The following PKD1 variants were observed in gnomAD, a reference collection of about 807,000 sequenced individuals.
The protein encoded by PKD1 is polycystin 1, transient receptor potential channel interacting, also known as polycystin-1.
In PKD1, 81 loss-of-function variants were observed where a neutral mutation model predicts 361.7. That is an observed-to-expected ratio of 0.22 (90% CI 0.19 to 0.27). The LOEUF (loss-of-function observed/expected upper bound fraction) is 0.27. Among genes scored for constraint, PKD1 ranks in the 10% least tolerant of loss-of-function variants. The probability of loss-of-function intolerance (pLI) is 1.00; values close to 1 mark genes in which losing one functional copy is unlikely to be tolerated. For synonymous variants in PKD1, 3,615 were observed against 2,818.3 expected, an observed-to-expected ratio of 1.28 and a Z score of -8.95; for missense variants, 6,399 against 6,118.3, an observed-to-expected ratio of 1.05 and a Z score of -1.53.
At chr16:2,121,576 C>T (rs146705281) in intron 1 of PKD1, among the ~76,000 whole-genome samples, 2,518 of 152,236 alleles carry the variant, frequency 0.017, 54 homozygotes, top group African/African-American at 0.055. Flanking sequence ...TTCAGAGCTG[C>T]CCGAGTTACA....
rs149156000 is a variant in PKD1, at chr16:2,111,400, G to A, written c.3767C>T (p.Pro1256Leu). 25 of 1,611,560 alleles carry A rather than the reference G, an allele frequency of 1.6e-5. No individual in the cohort carries two copies. The highest frequency in any genetic ancestry group is 4.5e-5 in the East Asian group (2 of 44,866). Reference sequence around the variant, plus strand: ...GTACACATGCTCCACTGTTGCCTCCGGGCCCGACAGCACGGTGCCGTCCCC... The same window carrying A: ...GTACACATGCTCCACTGTTGCCTCCAGGCCCGACAGCACGGTGCCGTCCCC... ...DMGDGTVLSG[P>L]EATVEHVYLR... Residue 1256 changes from proline to leucine, a missense_variant, in exon 15 of 46, where the codon CCG becomes CTG. Coordinates refer to ENST00000262304, the MANE Select transcript of PKD1 (RefSeq NM_001009944.3).
chr16:2,089,537 C>T lies in PKD1; in HGVS notation c.*190G>A, dbSNP rs935194889. On this transcript the variant is annotated 3_prime_UTR_variant, in exon 46 of 46. Coordinates refer to ENST00000262304, the MANE Select transcript of PKD1 (RefSeq NM_001009944.3). ...CTTCCCAAGGGAGCTGGGGAGGGGA[C>T]CCTGGGTCCTGGTTGGCCACACAGC... 2 of 667,812 alleles carry T rather than the reference C, an allele frequency of 3.0e-6. No individual in the cohort carries two copies. The highest frequency in any genetic ancestry group is 1.8e-5 in the African/African-American group (1 of 55,682). The allele number at this position is 667,812 out of a possible 1,614,324, so 41.4% of individuals were successfully genotyped here. A position where few individuals can be genotyped will look rare whatever the true frequency, so the allele number is the denominator to read the frequency against.
At chr16:2,113,403 G>C in intron 11 of PKD1, 111 bp from the exon 12 acceptor site, 3 of 1,109,208 alleles carry the variant, frequency 2.7e-6, no homozygotes, top group Non-Finnish European at 4.0e-6. Context: ...GGGCACAGAG[G>C]AGAGGAGGTG....
In PKD1 at chr16:2,102,771, T is replaced by C. The variant is rs1392548528; in HGVS notation, c.8948+43A>G. On this transcript the variant is annotated intron_variant, in intron 24 of 45. Transcript: ENST00000262304. ...CAGTAACCCAGGCAATGCTGACCCA[T>C]GATGCCCTGCCCTGCCCTGCCAGGC... 4 of 1,608,974 alleles carry C rather than the reference T, an allele frequency of 2.5e-6. No individual in the cohort carries two copies. The Admixed American group carries it at 5.0e-5, about 20-fold the overall frequency.
chr16:2,126,382 T>C (rs1402972426), intron 1 of PKD1, among the ~76,000 whole-genome samples: 2 of 152,256 alleles, frequency 1.3e-5, no homozygotes, highest in Admixed American at 1.3e-4. Flanking sequence ...AGGTCAGGAA[T>C]GCCAGGCTGG....
In PKD1 at chr16:2,111,813, C is replaced by A; in HGVS notation, c.3354G>T (p.Val1118=). 1 of 1,609,952 alleles carries A rather than the reference C, an allele frequency of 6.2e-7. No homozygotes were observed. Among genetic ancestry groups the A allele is most frequent in the Non-Finnish European group, 8.5e-7 (1 of 1,179,348 alleles). ...SNAFENLTQQ[V]PVSVRASLPS... is the part of the protein sequence containing the mutation. ...GCAGGGAGGCGCGCACGCTCACAGG[C>A]ACCTGCTGCGTCAGGTTCTCGAAGG... The change falls in exon 15 of 46, where the codon GTG becomes GTT. Residue 1118 remains valine (V), a synonymous_variant. Coordinates refer to ENST00000262304, the MANE Select transcript of PKD1 (RefSeq NM_001009944.3).
At position 2,093,098 on chromosome 16, in the gene PKD1, T is replaced by C; in HGVS notation, c.11017-5A>G. 6.2e-7 allele frequency: 1 copy of C among 1,612,056 alleles called. No individual in the cohort carries two copies. The highest frequency in any genetic ancestry group is 8.5e-7 in the Non-Finnish European group (1 of 1,179,868). On this transcript the variant is annotated splice_region_variant and splice_polypyrimidine_tract_variant and intron_variant, in intron 37 of 45. Transcript: ENST00000262304. ...AAGCATGTACACCAGGAGGCTCTGG[T>C]GGACGGGGGGGCCCTGTGGTCAGCC...
intron 22 of PKD1, among the ~76,000 whole-genome samples, chr16:2,104,238 G>A (rs2092238253): frequency 2.4e-5 from 1 of 41,244 alleles, no homozygotes; most frequent in Non-Finnish European, 4.6e-5. Flanking sequence ...TGAGGAAGAT[G>A]AGGGGAATGG....
intron 1 of PKD1, among the ~76,000 whole-genome samples, chr16:2,121,947 A>C (rs900485270): frequency 1.1e-4 from 16 of 152,220 alleles, no homozygotes; most frequent in African/African-American, 3.4e-4. Flanking sequence ...CCATCCCTGA[A>C]CACCCGCCCA....
chr16:2,097,870 C>T lies in PKD1; in HGVS notation c.10165G>A (p.Glu3389Lys), dbSNP rs756738297. ...AGGACCCCCAGTAGAGTCCTCACCTCAGCGTGGAGGCCTGAGAACGTGAGG... is the reference window on the plus strand; with the variant it reads ...AGGACCCCCAGTAGAGTCCTCACCTTAGCGTGGAGGCCTGAGAACGTGAGG... The part of the protein sequence containing the change: ...SFLTFSGLHA[E>K]QAFVGQMKSD... The change falls in exon 31 of 46, where the codon GAG (glutamate) becomes AAG (lysine). Residue 3389 changes from glutamate (E) to lysine (K), a missense_variant and splice_region_variant. Transcript: ENST00000262304. The T allele has an allele frequency of 7.5e-6, 12 of 1,605,492 alleles. No homozygotes were observed. The highest frequency in any genetic ancestry group is 1.7e-5 in the Admixed American group (1 of 59,996).
Position 2,093,619 on chromosome 16 carries a change from C to G in PKD1, c.10941G>C (p.Arg3647=). The G allele has an allele frequency of 6.2e-7, 1 of 1,609,166 alleles. No individual in the cohort carries two copies. The highest frequency in any genetic ancestry group is 8.5e-7 in the Non-Finnish European group (1 of 1,178,238). ...GGAAGAGTGCAAAGCCGTGGGGTGG[C>G]CGTACGCGGGGCACACGTGCGCTCA... ...TPVSARVPRV[R]PPHGFALFLA... is the part of the protein sequence containing the mutation. The change falls in exon 37 of 46, where the codon CGG becomes CGC. Residue 3647 remains arginine, a synonymous_variant. Coordinates refer to ENST00000262304, the MANE Select transcript of PKD1 (RefSeq NM_001009944.3).
Position 2,091,184 on chromosome 16 carries a change from G to A in PKD1, c.11713-10C>T. 3 of 1,405,638 alleles carry A rather than the reference G, an allele frequency of 2.1e-6. No individual in the cohort carries two copies. The highest frequency in any genetic ancestry group is 3.0e-5 in the South Asian group (2 of 67,048). The allele number at this position is 1,405,638 out of a possible 1,614,324, so 87.1% of individuals were successfully genotyped here. ...ACAGCAGCAGGCACACCTGTGGGGG[G>A]CGCGGTCAGGAGGGCGGGAGGGACG... On this transcript the variant is annotated splice_polypyrimidine_tract_variant and intron_variant, in intron 42 of 45. Transcript: ENST00000262304.
At position 2,110,809 on chromosome 16, in the gene PKD1, G is replaced by A. The variant is rs1177952489; in HGVS notation, c.4358C>T (p.Ala1453Val). 44 of 1,611,428 alleles carry A rather than the reference G, an allele frequency of 2.7e-5. No homozygotes were observed. The highest frequency in any genetic ancestry group is 3.6e-5 in the Non-Finnish European group (43 of 1,179,842). Residue 1453 changes from alanine to valine, a missense_variant, in exon 15 of 46, where the codon GCT becomes GTT. Ala to Val is a moderately conservative substitution (Grantham distance 64, BLOSUM62 0). Coordinates refer to ENST00000262304, the MANE Select transcript of PKD1 (RefSeq NM_001009944.3). ...VTVTASNNIS[A>V]ANDSALVEVQ... ...CTCCACCAGGGCTGAGTCATTGGCA[G>A]CAGAGATGTTGTTGGACGCGGTGAC...
At position 2,115,402 on chromosome 16, in the gene PKD1, G is replaced by A. The variant is rs768088779; in HGVS notation, c.2073C>T (p.Pro691=). 21 of 1,566,308 alleles carry A rather than the reference G, an allele frequency of 1.3e-5. No homozygotes were observed. Among genetic ancestry groups the A allele is most frequent in the East Asian group, 1.2e-4 (5 of 42,658 alleles). Residue 691 remains proline (P), a synonymous_variant, in exon 10 of 46, where the codon CCC becomes CCT. Coordinates refer to ENST00000262304, the MANE Select transcript of PKD1 (RefSeq NM_001009944.3). The part of the protein sequence containing the change: ...ALWREFLFSV[P]AGPPAQYSVT... ...CCGAGTACTGCGCGGGGGGCCCCGC[G>A]GGAACGGAGAAGAGGAACTCTCTCC...
intron 1 of PKD1, among the ~76,000 whole-genome samples, chr16:2,120,535 C>T (rs1199392007): frequency 6.6e-6 from 1 of 152,020 alleles, no homozygotes; most frequent in Admixed American, 6.6e-5. Flanking sequence ...GACCCCATCT[C>T]TACAAGGAAA....
In PKD1 at chr16:2,103,903, C is replaced by T. The variant is rs562429477; in HGVS notation, c.8162-8G>A. The T allele has an allele frequency of 9.4e-5, 140 of 1,483,536 alleles. No homozygotes were observed. The highest frequency in any genetic ancestry group is 1.2e-4 in the Non-Finnish European group (131 of 1,112,106). The allele number at this position is 1,483,536 out of a possible 1,614,324, so 91.9% of individuals were successfully genotyped here. A position where few individuals can be genotyped will look rare whatever the true frequency, so the allele number is the denominator to read the frequency against. On this transcript the variant is annotated splice_region_variant and splice_polypyrimidine_tract_variant and intron_variant, in intron 22 of 45. Transcript: ENST00000262304. Reference sequence around the variant, plus strand: ...CCAGGTGGATGAGGTCTCCTGCAGACATGCGTGAGGTCAGTGCAGAGACAG... The same window carrying T: ...CCAGGTGGATGAGGTCTCCTGCAGATATGCGTGAGGTCAGTGCAGAGACAG...
In PKD1 at chr16:2,114,221, G is replaced by T; in HGVS notation, c.2802C>A (p.Gly934=). ...CCTCGGGGCTGGGCGTGGCGCGGAG[G>T]CCACAGATGGGCTCCTCCGCCGTCA... The part of the protein sequence containing the change: ...LRVTAEEPIC[G]LRATPSPEAR... The change falls in exon 11 of 46, where the codon GGC becomes GGA. Residue 934 remains glycine, a synonymous_variant. Transcript: ENST00000262304. 6.2e-7 allele frequency: 1 copy of T among 1,609,734 alleles called. No homozygotes were observed. The highest frequency in any genetic ancestry group is 8.5e-7 in the Non-Finnish European group (1 of 1,179,334).
chr16:2,090,447 C>T lies in PKD1; in HGVS notation c.12282G>A (p.Arg4094=), dbSNP rs776632040. 6.2e-6 allele frequency: 10 copies of T among 1,612,362 alleles called. No individual in the cohort carries two copies. Among genetic ancestry groups the T allele is most frequent in the African/African-American group, 1.3e-5 (1 of 74,926 alleles). Residue 4094 remains arginine, a synonymous_variant, in exon 45 of 46, where the codon CGG becomes CGA. Coordinates refer to ENST00000262304, the MANE Select transcript of PKD1 (RefSeq NM_001009944.3). Reference sequence around the variant, plus strand: ...CCCCCAGCCGTAGGGCGCCCCACAGCCGCAGTGCCCAGAGCCCCACACACA... The same window carrying T: ...CCCCCAGCCGTAGGGCGCCCCACAGTCGCAGTGCCCAGAGCCCCACACACA... ...PLLCVGLWAL[R]LWGALRLGAV...
In PKD1 at chr16:2,089,931, G is replaced by C. The variant is rs1176963358; in HGVS notation, c.12708C>G (p.Val4236=). The change falls in exon 46 of 46, where the codon GTC becomes GTG. Residue 4236 remains valine (V), a synonymous_variant. Coordinates refer to ENST00000262304, the MANE Select transcript of PKD1 (RefSeq NM_001009944.3). ...FDRLNQATED[V]YQLEQQLHSL... is the part of the protein sequence containing the mutation. ...TGTGCAGCTGCTGCTCCAGCTGGTA[G>C]ACGTCCTCTGTGGCCTGGTTGAGTC... 6.2e-7 allele frequency: 1 copy of C among 1,612,288 alleles called. No individual in the cohort carries two copies. The highest frequency in any genetic ancestry group is 1.3e-5 in the African/African-American group (1 of 75,064).
Sources: gnomAD v4.1 joint callset for allele counts (sites outside exome capture counted in the v4.1 genomes callset) on GRCh38, gnomAD v4.1.1 for gene constraint, MANE v1.5 for transcripts, NCBI Gene and HGNC (gene_info 2026-07-23, HGNC 2026-07-21) for gene names.